ZBTB48: variants seen among roughly 807,000 people sequenced by gnomAD.
The protein encoded by ZBTB48 is zinc finger and BTB domain containing 48.
ZBTB48 carries 35 observed loss-of-function variants against 64.5 expected under a neutral mutation model. That is an observed-to-expected ratio of 0.54 (90% CI 0.41 to 0.72). The LOEUF (loss-of-function observed/expected upper bound fraction) is 0.72. Ranked by LOEUF, ZBTB48 falls within the 30% of genes least tolerant of loss-of-function variation. The probability of loss-of-function intolerance (pLI) is 0.00; values close to 1 mark genes in which losing one functional copy is unlikely to be tolerated. For synonymous variants in ZBTB48, 442 were observed against 356.7 expected (o/e 1.24, Z -2.70); for missense variants, 828 against 895.3 (o/e 0.92, Z 0.96).
chr1:6,586,821 G>A, intron 5 of ZBTB48, 34 bp downstream of exon 5: 1 of 1,593,510 alleles, frequency 6.3e-7, no homozygotes, highest in South Asian at 1.1e-5. Flanking sequence ...GCCAGGGTTG[G>A]GTGGCCCCAG....
Position 6,588,122 on chromosome 1 carries a change from A to G in ZBTB48, c.1442A>G (p.Asn481Ser), listed in dbSNP as rs1214364241. ...SHAFTQKANL[N>S]MHLRTHTGEK... ...GCCTTCACCCAAAAGGCCAATCTCA[A>G]CATGCACCTGCGCACACACACGGGT... The change falls in exon 8 of 11, where the codon AAC becomes AGC. Residue 481 changes from asparagine (N) to serine (S), a missense_variant. By Grantham distance (46) the Asn-to-Ser change is conservative. Coordinates refer to ENST00000377674, the MANE Select transcript of ZBTB48 (RefSeq NM_005341.4). 1.9e-6 allele frequency: 3 copies of G among 1,613,994 alleles called. No individual in the cohort carries two copies. Among genetic ancestry groups the G allele is most frequent in the African/African-American group, 1.3e-5 (1 of 74,922 alleles).
Position 6,582,150 on chromosome 1 carries a change from C to A in ZBTB48, c.783C>A (p.Ile261=). The part of the protein sequence containing the change: ...AVLTRRKSNV[I]RKPCAAEPAL... ...TGACCAGGAGGAAGTCAAATGTAAT[C>A]CGAAAGCCCTGTGCAGCTGAGCCAG... The change falls in exon 3 of 11, where the codon ATC becomes ATA. Residue 261 remains isoleucine (I), a synonymous_variant. Coordinates refer to ENST00000377674, the MANE Select transcript of ZBTB48 (RefSeq NM_005341.4). 6.2e-7 allele frequency: 1 copy of A among 1,614,212 alleles called. No homozygotes were observed.
At chr1:6,588,631 A>G in intron 9 of ZBTB48, 125 bp from the exon 10 acceptor site, 1 of 1,471,790 alleles carries the variant, frequency 6.8e-7, no homozygotes, top group Non-Finnish European at 9.2e-7. Flanking sequence ...AGAGCCTGGC[A>G]GGGCCTGTGC....
Position 6,588,131 on chromosome 1 carries a change from T to TG in ZBTB48, c.1452dup (p.Arg485AlafsTer6). 1 of 1,614,184 alleles carries TG rather than the reference T, an allele frequency of 6.2e-7. No individual in the cohort carries two copies. The highest frequency in any genetic ancestry group is 8.5e-7 in the Non-Finnish European group (1 of 1,180,048). Reference sequence around the variant, plus strand: ...CAAAAGGCCAATCTCAACATGCACCTGCGCACACACACGGGTGAGAAGCCC... The same window carrying TG: ...CAAAAGGCCAATCTCAACATGCACCTGGCGCACACACACGGGTGAGAAGCCC... On this transcript the variant is annotated frameshift_variant, in exon 8 of 11. Coordinates refer to ENST00000377674, the MANE Select transcript of ZBTB48 (RefSeq NM_005341.4). LOFTEE classifies it high-confidence loss of function.
Position 6,581,288 on chromosome 1 carries a change from G to A in ZBTB48, c.679G>A (p.Gly227Ser), listed in dbSNP as rs72634778. 13,222 of 1,601,828 alleles carry A rather than the reference G, an allele frequency of 8.3e-3. 93 individuals are homozygous for A. Among genetic ancestry groups the A allele is most frequent in the Non-Finnish European group, 8.9e-3 (10,473 of 1,174,872 alleles). Residue 227 changes from glycine (G) to serine (S), a missense_variant, in exon 2 of 11, where the codon GGC (glycine) becomes AGC (serine). By Grantham distance (56) the Gly-to-Ser change is moderately conservative. Transcript: ENST00000377674. ...GGCTGAAGGTGCCCAGCTGCAGGGC[G>A]GCAGTAATGAGGTACTGTGCCCAGG... The part of the protein sequence containing the change: ...LEAEGAQLQG[G>S]SNEWEVVVQV...
chr1:6,583,497 C>T (rs1340211426), intron 3 of ZBTB48, among the ~76,000 whole-genome samples: 1 of 151,242 alleles, frequency 6.6e-6, no homozygotes, highest in Admixed American at 6.6e-5. Flanking sequence ...GATGGGGCTT[C>T]ACTATCTTGG....
In ZBTB48 at chr1:6,587,642, G is replaced by A. The variant is rs183072854; in HGVS notation, c.1379+10G>A. 1,617 of 1,611,934 alleles carry A rather than the reference G, an allele frequency of 1.0e-3. 28 individuals are homozygous for A. The East Asian group carries it at 0.019, about 19-fold the overall frequency. On this transcript the variant is annotated intron_variant, in intron 7 of 10. Coordinates refer to ENST00000377674, the MANE Select transcript of ZBTB48 (RefSeq NM_005341.4). Reference sequence around the variant, plus strand: ...TCAAGGCCAAGCACAGGTGCGTGTCGCCCGTTCTCTCTTGGGGCCCAGTCC... The same window carrying A: ...TCAAGGCCAAGCACAGGTGCGTGTCACCCGTTCTCTCTTGGGGCCCAGTCC...
At chr1:6,583,277 CCA>C (rs1640536056) in intron 3 of ZBTB48, among the ~76,000 whole-genome samples, 1 of 152,116 alleles carries the variant, frequency 6.6e-6, no homozygotes, top group African/African-American at 2.4e-5. Context: ...GTGTGAGCCA[CCA>C]TGCTCAGCCT....
intron 5 of ZBTB48, 91 bp from the exon 6 acceptor site, chr1:6,587,114 C>T: frequency 7.3e-7 from 1 of 1,376,208 alleles, no homozygotes; most frequent in South Asian, 1.2e-5. Context: ...ACCGGGGCCT[C>T]CCTCTAGTTC....
In ZBTB48 at chr1:6,585,822, C is replaced by T. The variant is rs774932251; in HGVS notation, c.933-97C>T. 6 of 1,174,704 alleles carry T rather than the reference C, an allele frequency of 5.1e-6. No homozygotes were observed. In the Admixed American group the frequency reaches 6.9e-5, roughly 14 times the overall value. 72.8% of individuals were successfully genotyped at this position (1,174,704 alleles called of 1,614,324 possible). On this transcript the variant is annotated intron_variant, in intron 3 of 10. Coordinates refer to ENST00000377674, the MANE Select transcript of ZBTB48 (RefSeq NM_005341.4). ...TTAACCAGCCGGTGTCACCTGAGAA[C>T]ACTTGTTCCCCTTAGAAGGGACCCA...
chr1:6,586,921 GCCTTTC>G, intron 5 of ZBTB48, 134 bp downstream of exon 5: 1 of 1,036,186 alleles, frequency 9.7e-7, no homozygotes, highest in Non-Finnish European at 1.5e-6. Flanking sequence ...TGCCTTCCCT[GCCTTTC>G]CAGTGCCCCC....
At position 6,582,048 on chromosome 1, in the gene ZBTB48, T is replaced by G; in HGVS notation, c.691-10T>G. Reference sequence around the variant, plus strand: ...GACGCCACCCCCTCCTGCTGCCTATTGTGCTCTAGTGGGAAGTGGTGGTTC... The same window carrying G: ...GACGCCACCCCCTCCTGCTGCCTATGGTGCTCTAGTGGGAAGTGGTGGTTC... On this transcript the variant is annotated splice_polypyrimidine_tract_variant and intron_variant, in intron 2 of 10. Transcript: ENST00000377674. 1 of 1,611,834 alleles carries G rather than the reference T, an allele frequency of 6.2e-7. No homozygotes were observed. Among genetic ancestry groups the G allele is most frequent in the Non-Finnish European group, 8.5e-7 (1 of 1,177,998 alleles).
chr1:6,588,860 G>T lies in ZBTB48; in HGVS notation c.1770+16G>T. 1.2e-6 allele frequency: 2 copies of T among 1,614,012 alleles called. No individual in the cohort carries two copies. Among genetic ancestry groups the T allele is most frequent in the Non-Finnish European group, 1.7e-6 (2 of 1,180,006 alleles). The stretch of plus-strand genomic sequence containing the variant: ...TACCCGACAGGTAGGCCAGGGCCTG[G>T]GCCCCTTCCCCTACCCTAGGATCCC... On this transcript the variant is annotated intron_variant, in intron 10 of 10. Transcript: ENST00000377674.
At chr1:6,586,839 C>G (rs932154864) in intron 5 of ZBTB48, 52 bp downstream of exon 5, 106 of 1,571,722 alleles carry the variant, frequency 6.7e-5, no homozygotes, top group Non-Finnish European at 8.9e-5. Flanking sequence ...CAGGATCCTT[C>G]CTGCTGAGCC....
intron 6 of ZBTB48, 38 bp from the exon 7 acceptor site, chr1:6,587,440 C>A: frequency 6.2e-7 from 1 of 1,612,762 alleles, no homozygotes; most frequent in Non-Finnish European, 8.5e-7. Context: ...CTCACCCTGG[C>A]CCTGGTCCCT....
intron 3 of ZBTB48, chr1:6,585,587 C>T (rs1640629423): frequency 3.6e-6 from 1 of 281,398 alleles, no homozygotes; most frequent in Admixed American, 4.1e-5. Context: ...GGGTTTGAAG[C>T]TCTGGGAAGA....
rs1231429918 is a variant in ZBTB48 at position 6,584,204 on chromosome 1, G to A, written c.933-1715G>A. 3.9e-5 allele frequency among the ~76,000 whole-genome samples: 6 copies of A among 152,182 alleles called. No individual in the cohort carries two copies. The highest frequency in any genetic ancestry group is 1.4e-4 in the African/African-American group (6 of 41,448). On this transcript the variant is annotated intron_variant, in intron 3 of 10. Transcript: ENST00000377674. The surrounding 1 kb of genome is among the most constrained non-coding windows in gnomAD (Gnocchi z 4.5). ...GCTGGGATTACAGGCGAGAGCCACC[G>A]TGCCCAGCCCCCAGGGACTATTTTA...
chr1:6,588,713 C>G, intron 9 of ZBTB48, 43 bp from the exon 10 acceptor site: 3 of 1,612,650 alleles, frequency 1.9e-6, no homozygotes, highest in Non-Finnish European at 2.5e-6. Context: ...TCGAGGGTCC[C>G]GGGGCTCCTG....
At chr1:6,586,589 C>CCCCCCG in intron 4 of ZBTB48, 106 bp from the exon 5 acceptor site, 1 of 1,334,572 alleles carries the variant, frequency 7.5e-7, no homozygotes, top group Non-Finnish European at 9.7e-7. Flanking sequence ...TCCCCACCCT[C>CCCCCCG]CCCAGGCAGA....
Sources: gnomAD v4.1 joint callset for allele counts (sites outside exome capture counted in the v4.1 genomes callset) on GRCh38, gnomAD v4.1.1 for gene constraint, Gnocchi (gnomAD v3.1) non-coding constraint, MANE v1.5 for transcripts, NCBI Gene and HGNC (gene_info 2026-07-23, HGNC 2026-07-21) for gene names.